ENTPD4: variants seen among roughly 807,000 people sequenced by gnomAD.
The protein encoded by ENTPD4 is Golgi UDPase.
ENTPD4 carries 60 observed loss-of-function variants against 79.1 expected under a neutral mutation model. That is an observed-to-expected ratio of 0.76 (90% CI 0.62 to 0.94). The LOEUF is 0.94. Among genes scored for constraint, ENTPD4 ranks in the 40% least tolerant of loss-of-function variants. The probability of loss-of-function intolerance (pLI) is 0.00; values close to 1 mark genes in which losing one functional copy is unlikely to be tolerated. For synonymous variants in ENTPD4, 276 were observed against 292.0 expected, an observed-to-expected ratio of 0.95 and a Z score of 0.56; for missense variants, 772 against 775.1, an observed-to-expected ratio of 1.00 and a Z score of 0.05.
At chr8:23,440,166 TGACATAA>T in intron 8 of ENTPD4, 1 of 385,014 alleles carries the variant, frequency 2.6e-6, no homozygotes, top group Non-Finnish European at 4.7e-6. Context: ...TCATACCCTC[TGACATAA>T]TTTATTTCTG....
rs765229113 is a variant in ENTPD4, at chr8:23,433,019, C to A, written c.1758G>T (p.Arg586=). The change falls in exon 13 of 13, where the codon CGG becomes CGT. Residue 586 remains arginine, a synonymous_variant. Transcript: ENST00000358689. ...LAILLYLLRL[R]RIHRRTPRSS... Reference sequence around the variant, plus strand: ...TCCGGGGAGTGCGCCTGTGGATGCGCCGCAGCCGCAGCAGGTACAGCAGGA... The same window carrying A: ...TCCGGGGAGTGCGCCTGTGGATGCGACGCAGCCGCAGCAGGTACAGCAGGA... 1.9e-6 allele frequency: 3 copies of A among 1,613,958 alleles called. No individual in the cohort carries two copies. The African/African-American group carries it at 4.0e-5, about 22-fold the overall frequency.
chr8:23,456,924 A>C (rs769663370), intron 1 of ENTPD4, among the ~76,000 whole-genome samples: 2 of 152,170 alleles, frequency 1.3e-5, no homozygotes, highest in Non-Finnish European at 2.9e-5. Flanking sequence ...TTCCTTCGTG[A>C]TAAGTGTTCT....
chr8:23,444,512 G>A lies in ENTPD4; in HGVS notation c.507C>T (p.His169=). The A allele has an allele frequency of 6.2e-7, 1 of 1,614,146 alleles. No homozygotes were observed. The highest frequency in any genetic ancestry group is 8.5e-7 in the Non-Finnish European group (1 of 1,179,978). The stretch of plus-strand genomic sequence containing the variant: ...AGAGAATGTAGAGAGGTGTCTCTTT[G>A]TGTTTTGCCCGTGGCACATGCTCTG... ...FAAEHVPRAK[H]KETPLYILCT... Residue 169 remains histidine (H), a synonymous_variant, in exon 5 of 13, where the codon CAC becomes CAT. Transcript: ENST00000358689.
At chr8:23,433,429 A>G (rs979600989) in intron 12 of ENTPD4, among the ~76,000 whole-genome samples, 7 of 152,348 alleles carry the variant, frequency 4.6e-5, no homozygotes, top group Non-Finnish European at 8.8e-5. Flanking sequence ...GATACAAAGA[A>G]GTCAACATGT....
chr8:23,444,651 A>C (rs2272640), intron 4 of ENTPD4, 45 bp from the exon 5 acceptor site: 1 of 1,566,828 alleles, frequency 6.4e-7, no homozygotes, highest in South Asian at 1.1e-5. Flanking sequence ...TATTTTAGCT[A>C]TAACATGTGA....
At chr8:23,448,982 T>C (rs776415701) in intron 2 of ENTPD4, 43 bp from the exon 3 acceptor site, 4 of 1,501,102 alleles carry the variant, frequency 2.7e-6, no homozygotes, top group South Asian at 1.1e-5. Flanking sequence ...TCTGCTCCAA[T>C]GAGGCTTCCT....
At position 23,429,861 on chromosome 8, in the gene ENTPD4, C is replaced by A; in HGVS notation, c.*3065G>T. The A allele has an allele frequency of 2.0e-6, 2 of 985,460 alleles. No homozygotes were observed. Among genetic ancestry groups the A allele is most frequent in the South Asian group, 9.4e-5 (2 of 21,278 alleles). 61.0% of individuals were successfully genotyped at this position (985,460 alleles called of 1,614,324 possible). On this transcript the variant is annotated 3_prime_UTR_variant, in exon 13 of 13. Coordinates refer to ENST00000358689, the MANE Select transcript of ENTPD4 (RefSeq NM_004901.5). The stretch of plus-strand genomic sequence containing the variant: ...AGCACTGGTACAGTTCCATGTGTTT[C>A]TCTTCTACTGTAATGTCCCCAGAGG...
In ENTPD4 at chr8:23,432,024, C is replaced by T. The variant is rs1368991566; in HGVS notation, c.*902G>A. On this transcript the variant is annotated 3_prime_UTR_variant, in exon 13 of 13. Transcript: ENST00000358689. ...TTTCTTGGGATTTTTCACACACTCG[C>T]ACAAAGCTGTAGTCGATAGTTCACT... 1.0e-6 allele frequency: 1 copy of T among 985,246 alleles called. No individual in the cohort carries two copies. The highest frequency in any genetic ancestry group is 1.2e-6 in the Non-Finnish European group (1 of 829,934). 61.0% of individuals were successfully genotyped at this position (985,246 alleles called of 1,614,324 possible). A position where few individuals can be genotyped will look rare whatever the true frequency, so the allele number is the denominator to read the frequency against.
Position 23,431,030 on chromosome 8 carries a change from GCCATGCCCCC to G in ENTPD4, c.*1886_*1895del. Reference sequence around the variant, plus strand: ...CACGCTTTGAAATCCAGGTGAGGGAGCCATGCCCCCACAGCTCTTGCCTCAAGGATCAGAT... The same window carrying G: ...CACGCTTTGAAATCCAGGTGAGGGAGACAGCTCTTGCCTCAAGGATCAGAT... On this transcript the variant is annotated 3_prime_UTR_variant, in exon 13 of 13. Transcript: ENST00000358689. 1.1e-6 allele frequency: 1 copy of G among 940,200 alleles called. No individual in the cohort carries two copies. Among genetic ancestry groups the G allele is most frequent in the Non-Finnish European group, 1.3e-6 (1 of 788,682 alleles). The allele number at this position is 940,200 out of a possible 1,614,324, so 58.2% of individuals were successfully genotyped here.
chr8:23,454,802 A>C (rs1387794039), intron 1 of ENTPD4, among the ~76,000 whole-genome samples: 1 of 152,234 alleles, frequency 6.6e-6, no homozygotes, highest in Non-Finnish European at 1.5e-5. Flanking sequence ...CAGAGAAAAT[A>C]GGACAGCTTA....
Position 23,439,883 on chromosome 8 carries a change from A to C in ENTPD4, c.915T>G (p.Phe305Leu), listed in dbSNP as rs1245668825. Residue 305 changes from phenylalanine (F) to leucine (L), a missense_variant, in exon 9 of 13, where the codon TTT (phenylalanine) becomes TTG (leucine). Physicochemically the swap from Phe to Leu is conservative, Grantham distance 22 (BLOSUM62 0). Transcript: ENST00000358689. ...TTTGGTGAACATCACATCCCAAGTT[A>C]AATTCAGCTAACAAGTTTTTAGCTA... The part of the protein sequence containing the change: ...EEVAKNLLAE[F>L]NLGCDVHQTE... The C allele has an allele frequency of 6.2e-7, 1 of 1,613,998 alleles. No individual in the cohort carries two copies. Among genetic ancestry groups the C allele is most frequent in the Non-Finnish European group, 8.5e-7 (1 of 1,179,956 alleles).
chr8:23,454,555 C>T (rs1800919902), intron 1 of ENTPD4, among the ~76,000 whole-genome samples: 1 of 152,074 alleles, frequency 6.6e-6, no homozygotes. Context: ...CAGAGAAGAG[C>T]ACAGAGAAGG....
At chr8:23,457,110 A>C (rs550568587) in intron 1 of ENTPD4, among the ~76,000 whole-genome samples, 13 of 152,350 alleles carry the variant, frequency 8.5e-5, no homozygotes, top group African/African-American at 2.6e-4. Context: ...CCATTTTTCC[A>C]AGAAGAAATC....
chr8:23,450,272 C>T (rs1240261200), intron 1 of ENTPD4, among the ~76,000 whole-genome samples: 1 of 152,124 alleles, frequency 6.6e-6, no homozygotes, highest in Non-Finnish European at 1.5e-5. Flanking sequence ...ATCAAATAGG[C>T]CTTAAATACC....
In ENTPD4 at chr8:23,439,917, T is replaced by C. The variant is rs776955288; in HGVS notation, c.883-2A>G. 6.2e-7 allele frequency: 1 copy of C among 1,613,642 alleles called. No individual in the cohort carries two copies. The highest frequency in any genetic ancestry group is 2.2e-5 in the East Asian group (1 of 44,886). On this transcript the variant is annotated splice_acceptor_variant, in intron 8 of 12. Transcript: ENST00000358689. LOFTEE classifies it high-confidence loss of function. ...TAACAAGTTTTTAGCTACTTCTTCC[T>C]GCAGACATAAGCATAACAAACCTTA...
intron 2 of ENTPD4, 97 bp downstream of exon 2, chr8:23,449,796 C>T (rs913323446): frequency 3.2e-5 from 35 of 1,101,912 alleles, no homozygotes; most frequent in Non-Finnish European, 4.6e-5. Context: ...AGCACAACTT[C>T]ACATTTTTCA....
chr8:23,435,039 G>C (rs1248964911), intron 11 of ENTPD4, among the ~76,000 whole-genome samples: 1 of 152,164 alleles, frequency 6.6e-6, no homozygotes, highest in Non-Finnish European at 1.5e-5. Context: ...CATTGGCGAG[G>C]TAGGATGAAT....
In ENTPD4 at chr8:23,448,954, A is replaced by C; in HGVS notation, c.9-15T>G. 8 of 1,606,912 alleles carry C rather than the reference A, an allele frequency of 5.0e-6. No homozygotes were observed. The highest frequency in any genetic ancestry group is 6.8e-6 in the Non-Finnish European group (8 of 1,174,886). On this transcript the variant is annotated splice_polypyrimidine_tract_variant and intron_variant, in intron 2 of 12. Transcript: ENST00000358689. ...AGATGCCAATCCTGAAATTAGAAGG[A>C]AAAAGATTTTAAAGCAATCTGCTCC... is the stretch of plus-strand genomic sequence containing the variant.
chr8:23,439,696 TGAG>T (rs993274039), intron 9 of ENTPD4, 50 bp downstream of exon 9: 1 of 1,565,466 alleles, frequency 6.4e-7, no homozygotes, highest in Non-Finnish European at 8.8e-7. Flanking sequence ...CTGTTTTTTA[TGAG>T]GAGAGACCTA....
Sources: allele counts gnomAD v4.1 joint callset (sites outside exome capture counted in the v4.1 genomes callset), GRCh38; gene constraint gnomAD v4.1.1; transcripts MANE v1.5; gene names NCBI Gene and HGNC (gene_info 2026-07-23, HGNC 2026-07-21).